The following AGAP1 variants were observed in gnomAD, a reference collection of about 807,000 sequenced individuals.
AGAP1 encodes ArfGAP with GTPase domain, ankyrin repeat and PH domain 1.
A neutral mutation model predicts 105.3 loss-of-function variants in AGAP1; 29 were observed. The ratio of observed to expected loss-of-function variants is 0.28; its 90% confidence interval spans 0.21 to 0.38. AGAP1 has a LOEUF of 0.38. Among genes scored for constraint, AGAP1 ranks in the 10% least tolerant of loss-of-function variants. AGAP1 has a pLI of 1.00. For missense variants in AGAP1, 998 were observed against 1,165.1 expected, an observed-to-expected ratio of 0.86 and a Z score of 2.09; for synonymous variants, 509 against 485.9, an observed-to-expected ratio of 1.05 and a Z score of -0.63.
chr2:235,930,711 G>A lies in AGAP1; in HGVS notation c.1325-54G>A. The stretch of plus-strand genomic sequence containing the variant: ...TGGGTCCCATAGACTAACTCGCGCT[G>A]GTTTCTGTGGTCTGCAGTCCGCGGT... On this transcript the variant is annotated intron_variant, in intron 11 of 17. Coordinates refer to ENST00000304032, the MANE Select transcript of AGAP1 (RefSeq NM_001037131.3). This position sits in a 1 kb window ranked among gnomAD's most constrained non-coding sequence, Gnocchi z 7.9. 6.4e-7 allele frequency: 1 copy of A among 1,572,084 alleles called. No homozygotes were observed. The highest frequency in any genetic ancestry group is 2.3e-5 in the East Asian group (1 of 44,338).
rs181554366 is a variant in AGAP1, at chr2:236,049,040, T to C, written c.1892-19T>C. 4.2e-5 allele frequency: 68 copies of C among 1,608,556 alleles called. No homozygotes were observed. The highest frequency in any genetic ancestry group is 8.3e-5 in the Admixed American group (5 of 59,906). ...ATGATGGTCTGATTGCGTTTAGCGT[T>C]CTGTTCCTCTTCCCGTAGATCCCAA... On this transcript the variant is annotated intron_variant, in intron 15 of 17. Transcript: ENST00000304032.
In AGAP1 at chr2:236,000,974, T is replaced by C. The variant is rs1014195369; in HGVS notation, c.1645+32351T>C. ...ATAAAGGACTGTCATCCATCTGTCA[T>C]TGGCTGAATTGTGACCTCCAGAAAG... On this transcript the variant is annotated intron_variant, in intron 13 of 17. Coordinates refer to ENST00000304032, the MANE Select transcript of AGAP1 (RefSeq NM_001037131.3). The surrounding 1 kb of genome is among the most constrained non-coding windows in gnomAD (Gnocchi z 4.3). 6.6e-6 allele frequency among the ~76,000 whole-genome samples: 1 copy of C among 152,120 alleles called. No individual in the cohort carries two copies. Among genetic ancestry groups the C allele is most frequent in the African/African-American group, 2.4e-5 (1 of 41,414 alleles).
intron 1 of AGAP1, among the ~76,000 whole-genome samples, chr2:235,673,653 A>G (rs1035578654): frequency 2.0e-5 from 3 of 152,150 alleles, no homozygotes; most frequent in African/African-American, 7.2e-5. Context: ...CCATTCTCAG[A>G]CCTTTTTGGA....
chr2:235,961,627 G>A lies in AGAP1; in HGVS notation c.1484-6835G>A, dbSNP rs1039816626. ...GTTGTGTTAAAAATGTGAGATGACA[G>A]GGCCGGGCGTGGTGGCTCATGCCTA... is the stretch of plus-strand genomic sequence containing the variant. On this transcript the variant is annotated intron_variant, in intron 12 of 17. Coordinates refer to ENST00000304032, the MANE Select transcript of AGAP1 (RefSeq NM_001037131.3). The surrounding 1 kb of genome is among the most constrained non-coding windows in gnomAD (Gnocchi z 5.9). 6.6e-6 allele frequency among the ~76,000 whole-genome samples: 1 copy of A among 152,122 alleles called. No individual in the cohort carries two copies. Among genetic ancestry groups the A allele is most frequent in the African/African-American group, 2.4e-5 (1 of 41,390 alleles).
At chr2:235,869,459 G>T (rs986735460) in intron 9 of AGAP1, among the ~76,000 whole-genome samples, 3 of 142,124 alleles carry the variant, frequency 2.1e-5, no homozygotes, top group Non-Finnish European at 4.6e-5. Flanking sequence ...AAATTAGCCG[G>T]GCGTGACGGC....
rs1343608447 is a variant in AGAP1, at chr2:236,042,589, C to T, written c.1891+1748C>T. Reference sequence around the variant, plus strand: ...TAAGGAAAATGCCTGCAGTTGTTTCCACCGTGCGTCTGAAGGTCGCTTTAA... The same window carrying T: ...TAAGGAAAATGCCTGCAGTTGTTTCTACCGTGCGTCTGAAGGTCGCTTTAA... On this transcript the variant is annotated intron_variant, in intron 15 of 17. Transcript: ENST00000304032. The surrounding 1 kb of genome is among the most constrained non-coding windows in gnomAD (Gnocchi z 5.6). 6.6e-6 allele frequency among the ~76,000 whole-genome samples: 1 copy of T among 152,090 alleles called. No homozygotes were observed. Among genetic ancestry groups the T allele is most frequent in the Non-Finnish European group, 1.5e-5 (1 of 68,018 alleles).
intron 1 of AGAP1, among the ~76,000 whole-genome samples, chr2:235,624,400 G>A (rs1242723271): frequency 1.3e-5 from 2 of 152,180 alleles, no homozygotes; most frequent in Admixed American, 6.5e-5. Context: ...GGTGCTCTGT[G>A]TGCATGAGGG....
At position 236,009,838 on chromosome 2, in the gene AGAP1, G is replaced by A. The variant is rs146108475; in HGVS notation, c.1646-26723G>A. ...CGCGCCTTGGACACACAGCCTCGGCGCTGCATCATTTTTTAATCAGCTATC... is the reference window on the plus strand; with the variant it reads ...CGCGCCTTGGACACACAGCCTCGGCACTGCATCATTTTTTAATCAGCTATC... On this transcript the variant is annotated intron_variant, in intron 13 of 17. Transcript: ENST00000304032. The surrounding 1 kb of genome is among the most constrained non-coding windows in gnomAD (Gnocchi z 4.2). 2.2e-4 allele frequency among the ~76,000 whole-genome samples: 34 copies of A among 152,238 alleles called. No homozygotes were observed. The highest frequency in any genetic ancestry group is 7.7e-4 in the East Asian group (4 of 5,178).
At chr2:236,059,342 ATGAAAAGAC>A (rs1335090105) in intron 16 of AGAP1, among the ~76,000 whole-genome samples, 7 of 152,212 alleles carry the variant, frequency 4.6e-5, no homozygotes, top group African/African-American at 1.7e-4. Flanking sequence ...ACCTAAGTAA[ATGAAAAGAC>A]ATCATGTTCA....
intron 1 of AGAP1, among the ~76,000 whole-genome samples, chr2:235,530,609 G>A (rs780718327): frequency 2.0e-5 from 3 of 152,200 alleles, no homozygotes; most frequent in Non-Finnish European, 2.9e-5. Flanking sequence ...AAAACCAGCT[G>A]TGTAGCATCT....
Position 236,124,304 on chromosome 2 carries a change from C to T in AGAP1, c.*182C>T, listed in dbSNP as rs1576360037. 3 of 697,984 alleles carry T rather than the reference C, an allele frequency of 4.3e-6. No individual in the cohort carries two copies. Among genetic ancestry groups the T allele is most frequent in the Non-Finnish European group, 7.1e-6 (3 of 422,532 alleles). 43.2% of individuals were successfully genotyped at this position (697,984 alleles called of 1,614,324 possible). On this transcript the variant is annotated 3_prime_UTR_variant, in exon 18 of 18. Coordinates refer to ENST00000304032, the MANE Select transcript of AGAP1 (RefSeq NM_001037131.3). The surrounding 1 kb of genome is among the most constrained non-coding windows in gnomAD (Gnocchi z 5.1). Reference sequence around the variant, plus strand: ...CAAAACCTGGACATCCCTCAAGGGGCGAAGAGGCGGCCGGGAGACTGCAGA... The same window carrying T: ...CAAAACCTGGACATCCCTCAAGGGGTGAAGAGGCGGCCGGGAGACTGCAGA...
rs1023492217 is a variant in AGAP1 at position 235,502,077 on chromosome 2, G to A, written c.163+7228G>A. Among the ~76,000 whole-genome samples, 3 of 152,278 alleles carry A rather than the reference G, an allele frequency of 2.0e-5. No individual in the cohort carries two copies. The East Asian group carries it at 5.8e-4, about 29-fold the overall frequency. On this transcript the variant is annotated intron_variant, in intron 1 of 17. Transcript: ENST00000304032. ...TCTGTGCTTCTGAGGGGCTGAGGGG[G>A]ATTTGGGGGTCCCTTTTCATAGTGT...
intron 15 of AGAP1, among the ~76,000 whole-genome samples, chr2:236,041,639 A>AT (rs1251834278): frequency 2.0e-5 from 3 of 152,002 alleles, no homozygotes; most frequent in Admixed American, 6.6e-5. Context: ...TTCCCTTCAG[A>AT]TTTTTTTTGT....
chr2:235,930,663 A>T lies in AGAP1; in HGVS notation c.1325-102A>T. The T allele has an allele frequency of 9.2e-7, 1 of 1,091,782 alleles. No individual in the cohort carries two copies. The highest frequency in any genetic ancestry group is 1.3e-6 in the Non-Finnish European group (1 of 795,138). The allele number at this position is 1,091,782 out of a possible 1,614,324, so 67.6% of individuals were successfully genotyped here. Reference sequence around the variant, plus strand: ...CAGGACAGGGGCTGCTCTCGGTGGTAAGGTGCACTATGTGCCAGCGTGTGG... The same window carrying T: ...CAGGACAGGGGCTGCTCTCGGTGGTTAGGTGCACTATGTGCCAGCGTGTGG... On this transcript the variant is annotated intron_variant, in intron 11 of 17. Transcript: ENST00000304032. This position sits in a 1 kb window ranked among gnomAD's most constrained non-coding sequence, Gnocchi z 7.9.
rs1418985367 is a variant in AGAP1 at position 235,993,323 on chromosome 2, C to A, written c.1645+24700C>A. Among the ~76,000 whole-genome samples, 1 of 152,168 alleles carries A rather than the reference C, an allele frequency of 6.6e-6. No homozygotes were observed. The highest frequency in any genetic ancestry group is 1.5e-5 in the Non-Finnish European group (1 of 68,044). ...GCTGCTGTCAGTGGTTTAAACATTT[C>A]ACTTGGGTTAGCCTTGTCCCTTCGA... On this transcript the variant is annotated intron_variant, in intron 13 of 17. Transcript: ENST00000304032. This position sits in a 1 kb window ranked among gnomAD's most constrained non-coding sequence, Gnocchi z 5.0.
In AGAP1 at chr2:236,012,764, AATTATT is replaced by A. The variant is rs35595393; in HGVS notation, c.1646-23775_1646-23770del. Among the ~76,000 whole-genome samples, 9 of 148,788 alleles carry A rather than the reference AATTATT, an allele frequency of 6.0e-5. No homozygotes were observed. The highest frequency in any genetic ancestry group is 2.0e-4 in the African/African-American group (8 of 40,464). Reference sequence around the variant, plus strand: ...CTAGTTTAGAGGTTGTTTCTTACTAAATTATTATTATTATTATTATTATTATTCTCT... The same window carrying A: ...CTAGTTTAGAGGTTGTTTCTTACTAAATTATTATTATTATTATTATTCTCT... On this transcript the variant is annotated intron_variant, in intron 13 of 17. Coordinates refer to ENST00000304032, the MANE Select transcript of AGAP1 (RefSeq NM_001037131.3). This position sits in a 1 kb window ranked among gnomAD's most constrained non-coding sequence, Gnocchi z 4.9.
rs544851114 is a variant in AGAP1, at chr2:235,700,819, C to G, written c.164-8360C>G. ...TGTCTCTGTCTCTCTCTCTCTCTCT[C>G]TGTGTATATATAGTATATATTATAT... On this transcript the variant is annotated intron_variant, in intron 1 of 17. Coordinates refer to ENST00000304032, the MANE Select transcript of AGAP1 (RefSeq NM_001037131.3). The surrounding 1 kb of genome is among the most constrained non-coding windows in gnomAD (Gnocchi z 6.1). Among the ~76,000 whole-genome samples the G allele has an allele frequency of 2.0e-5, 3 of 149,348 alleles. No individual in the cohort carries two copies. The highest frequency in any genetic ancestry group is 4.4e-5 in the Non-Finnish European group (3 of 67,602).
chr2:235,712,351 G>T lies in AGAP1; in HGVS notation c.222+3114G>T, dbSNP rs1022026136. Among the ~76,000 whole-genome samples the T allele has an allele frequency of 6.6e-6, 1 of 152,210 alleles. No homozygotes were observed. The highest frequency in any genetic ancestry group is 1.5e-5 in the Non-Finnish European group (1 of 68,034). On this transcript the variant is annotated intron_variant, in intron 2 of 17. Coordinates refer to ENST00000304032, the MANE Select transcript of AGAP1 (RefSeq NM_001037131.3). This position sits in a 1 kb window ranked among gnomAD's most constrained non-coding sequence, Gnocchi z 6.0. The stretch of plus-strand genomic sequence containing the variant: ...TCTGAAGTTGTGCTGTGGTCAGATC[G>T]TCCATGACCAGTTGCTTTTGGTGCT...
chr2:235,775,011 C>T (rs531381686), intron 6 of AGAP1, among the ~76,000 whole-genome samples: 3 of 152,176 alleles, frequency 2.0e-5, no homozygotes, highest in Non-Finnish European at 4.4e-5. Flanking sequence ...GAAGAGATTC[C>T]CCTGTAAATT....
Sources: allele counts gnomAD v4.1 joint callset (sites outside exome capture counted in the v4.1 genomes callset), GRCh38; gene constraint gnomAD v4.1.1; non-coding constraint Gnocchi (gnomAD v3.1); transcripts MANE v1.5; gene names NCBI Gene and HGNC (gene_info 2026-07-23, HGNC 2026-07-21).